Variants in TAOK3 observed in about 807,000 individuals in gnomAD.
TAOK3 encodes serine/threonine-protein kinase TAO3.
A neutral mutation model predicts 120.4 loss-of-function variants in TAOK3; 40 were observed. The observed-to-expected ratio is 0.33, with a 90% confidence interval of 0.26 to 0.43. TAOK3 has a LOEUF of 0.43. TAOK3 is among the 20% of genes least tolerant of loss of function. TAOK3 has a pLI of 1.00. For synonymous variants in TAOK3, 355 were observed against 387.5 expected, an observed-to-expected ratio of 0.92 and a Z score of 0.99; for missense variants, 821 against 1,112.1, an observed-to-expected ratio of 0.74 and a Z score of 3.72.
At chr12:118,314,928 CTTTTTT>C (rs913291664) in intron 1 of TAOK3, among the ~76,000 whole-genome samples, 4 of 143,460 alleles carry the variant, frequency 2.8e-5, no homozygotes, top group Admixed American at 1.4e-4. Flanking sequence ...TTTTCTTTTT[CTTTTTT>C]TTTTTTAAGA....
chr12:118,295,087 G>C (rs1488945862), intron 1 of TAOK3, among the ~76,000 whole-genome samples: 1 of 147,254 alleles, frequency 6.8e-6, no homozygotes, highest in South Asian at 2.1e-4. Flanking sequence ...ACGGAGTTTT[G>C]CTCTTGTTGC....
intron 3 of TAOK3, among the ~76,000 whole-genome samples, chr12:118,251,475 T>C (rs2040747966): frequency 6.6e-6 from 1 of 152,216 alleles, no homozygotes; most frequent in East Asian, 1.9e-4. Flanking sequence ...ACAGGCCCTA[T>C]AGAGTTAATG....
chr12:118,325,126 G>A (rs1176222797), intron 1 of TAOK3, among the ~76,000 whole-genome samples: 1 of 152,126 alleles, frequency 6.6e-6, no homozygotes, highest in Non-Finnish European at 1.5e-5. Context: ...TTCATCTGCT[G>A]ATAAACACTT....
At chr12:118,322,671 A>ATCAT (rs2043763115) in intron 1 of TAOK3, among the ~76,000 whole-genome samples, 1 of 150,130 alleles carries the variant, frequency 6.7e-6, no homozygotes, top group African/African-American at 2.5e-5. Context: ...GTCAAGAACT[A>ATCAT]TCATTCTTGT....
At chr12:118,159,977 C>G (rs1431370484) in intron 19 of TAOK3, 169 bp downstream of exon 19, 1 of 630,618 alleles carries the variant, frequency 1.6e-6, no homozygotes, top group Non-Finnish European at 2.8e-6. Flanking sequence ...CAGCAAGTAT[C>G]CACATTGGCT....
At chr12:118,283,120 A>G (rs1276371743) in intron 1 of TAOK3, among the ~76,000 whole-genome samples, 1 of 152,206 alleles carries the variant, frequency 6.6e-6, no homozygotes, top group Non-Finnish European at 1.5e-5. Context: ...TATCTACAAA[A>G]TATTATTCTT....
In TAOK3 at chr12:118,169,347, C is replaced by T. The variant is rs2031247155; in HGVS notation, c.1899+3110G>A. Among the ~76,000 whole-genome samples, 4 of 119,702 alleles carry T rather than the reference C, an allele frequency of 3.3e-5. No individual in the cohort carries two copies. In the South Asian group the frequency reaches 1.2e-3, roughly 35 times the overall value. 78.5% of individuals were successfully genotyped at this position (119,702 alleles called of 152,430 possible). A position where few individuals can be genotyped will look rare whatever the true frequency, so the allele number is the denominator to read the frequency against. ...CCCCCTTTTTTTTTAAAGACAGTCT[C>T]ACTCTGTCATCCAGGTTGGAACGCA... On this transcript the variant is annotated intron_variant, in intron 17 of 20. Transcript: ENST00000392533.
At chr12:118,224,859 A>T (rs2039424373) in intron 9 of TAOK3, among the ~76,000 whole-genome samples, 1 of 152,160 alleles carries the variant, frequency 6.6e-6, no homozygotes, top group African/African-American at 2.4e-5. Flanking sequence ...CAGACACCAT[A>T]AAGAAAGGGG....
At chr12:118,257,698 G>C (rs2041050097) in intron 2 of TAOK3, among the ~76,000 whole-genome samples, 1 of 152,154 alleles carries the variant, frequency 6.6e-6, no homozygotes, top group Non-Finnish European at 1.5e-5. Flanking sequence ...AAGTAAAACT[G>C]ATAGTGCTAA....
chr12:118,247,440 G>C (rs1170579391), intron 3 of TAOK3, among the ~76,000 whole-genome samples: 1 of 151,782 alleles, frequency 6.6e-6, no homozygotes, highest in Non-Finnish European at 1.5e-5. Context: ...AATAATTCAA[G>C]TAATAGTCTT....
At chr12:118,206,251 G>A (rs1183887766) in intron 11 of TAOK3, among the ~76,000 whole-genome samples, 4 of 152,208 alleles carry the variant, frequency 2.6e-5, no homozygotes, top group Admixed American at 6.5e-5. Context: ...GGTCGATGAC[G>A]ACATTGTTGA....
At chr12:118,339,508 C>A (rs2044520677) in intron 1 of TAOK3, among the ~76,000 whole-genome samples, 1 of 151,646 alleles carries the variant, frequency 6.6e-6, no homozygotes, top group Non-Finnish European at 1.5e-5. Context: ...ATCTTTAAAT[C>A]TGTGTAATGA....
intron 19 of TAOK3, among the ~76,000 whole-genome samples, chr12:118,154,307 G>A (rs946195951): frequency 6.6e-6 from 1 of 152,094 alleles, no homozygotes; most frequent in East Asian, 1.9e-4. Context: ...TTTCTGGCAC[G>A]CTATTATTAT....
intron 10 of TAOK3, among the ~76,000 whole-genome samples, chr12:118,213,292 T>G (rs1454376529): frequency 6.6e-6 from 1 of 152,136 alleles, no homozygotes; most frequent in South Asian, 2.1e-4. Flanking sequence ...AAGTTTTATA[T>G]ACATTTTTCT....
chr12:118,158,705 A>G (rs2035007646), intron 19 of TAOK3, among the ~76,000 whole-genome samples: 1 of 152,132 alleles, frequency 6.6e-6, no homozygotes, highest in Non-Finnish European at 1.5e-5. Flanking sequence ...ATTTCTGCTA[A>G]TATCTTTCTG....
Position 118,151,283 on chromosome 12 carries a change from GCGCGCGCACACA to G in TAOK3, c.2536-137_2536-126del. The G allele has an allele frequency of 5.3e-6, 3 of 564,504 alleles. No individual in the cohort carries two copies. The African/African-American group carries it at 1.2e-4, about 23-fold the overall frequency. 35.0% of individuals were successfully genotyped at this position (564,504 alleles called of 1,614,324 possible). On this transcript the variant is annotated intron_variant, in intron 20 of 20. Transcript: ENST00000392533. The stretch of plus-strand genomic sequence containing the variant: ...ACATAGGCACACACATGAAGTGCGC[GCGCGCGCACACA>G]CACACACACACACACACACACACAG...
rs2040141640 is a variant in TAOK3, at chr12:118,239,209, T to C, written c.340+18A>G. ...TCAAAGTAAAACAGAAAGGAGAGTT[T>C]AATTCCTTCTTTCTTACCTTCTAAT... On this transcript the variant is annotated intron_variant, in intron 6 of 20. Transcript: ENST00000392533. 6.7e-7 allele frequency: 1 copy of C among 1,495,070 alleles called. No individual in the cohort carries two copies. Among genetic ancestry groups the C allele is most frequent in the Admixed American group, 1.7e-5 (1 of 59,372 alleles). The allele number at this position is 1,495,070 out of a possible 1,614,324, so 92.6% of individuals were successfully genotyped here. A position where few individuals can be genotyped will look rare whatever the true frequency, so the allele number is the denominator to read the frequency against.
At chr12:118,157,623 G>T (rs1415523431) in intron 19 of TAOK3, among the ~76,000 whole-genome samples, 2 of 152,216 alleles carry the variant, frequency 1.3e-5, no homozygotes, top group African/African-American at 4.8e-5. Flanking sequence ...TTTGCAGTCT[G>T]TTGGCACCTT....
At chr12:118,333,275 A>G (rs2044226753) in intron 1 of TAOK3, among the ~76,000 whole-genome samples, 1 of 152,226 alleles carries the variant, frequency 6.6e-6, no homozygotes, top group Admixed American at 6.5e-5. Context: ...ACTAAAAATC[A>G]TACTGAATAT....
Sources: gnomAD v4.1 joint callset for allele counts (sites outside exome capture counted in the v4.1 genomes callset) on GRCh38, gnomAD v4.1.1 for gene constraint, MANE v1.5 for transcripts, NCBI Gene and HGNC (gene_info 2026-07-23, HGNC 2026-07-21) for gene names.